DAB1: variants seen among roughly 807,000 people sequenced by gnomAD.
DAB1 encodes disabled homolog 1.
Under a neutral mutation model 64.6 loss-of-function variants are expected in DAB1, and 15 were observed. The observed-to-expected ratio is 0.23, with a 90% CI of 0.16 to 0.36. The LOEUF (loss-of-function observed/expected upper bound fraction) is 0.36, where lower values mean the gene tolerates loss of function less well. DAB1 is among the 10% of genes least tolerant of loss of function. The probability of loss-of-function intolerance (pLI) is 1.00; values close to 1 mark genes in which losing one functional copy is unlikely to be tolerated. For missense variants in DAB1, 596 were observed against 706.7 expected, an observed-to-expected ratio of 0.84 and a Z score of 1.78; for synonymous variants, 235 against 251.9, an observed-to-expected ratio of 0.93 and a Z score of 0.64.
intron 4 of DAB1, among the ~76,000 whole-genome samples, chr1:57,134,325 C>T (rs1418380318): frequency 4.6e-5 from 7 of 152,200 alleles, no homozygotes; most frequent in Admixed American, 2.6e-4. Context: ...TGGCTCATGC[C>T]TGTAATCCCA....
chr1:57,458,968 G>A (rs1472418955), intron 7 of DAB1, among the ~76,000 whole-genome samples: 1 of 151,992 alleles, frequency 6.6e-6, no homozygotes, highest in East Asian at 1.9e-4. Flanking sequence ...TAAATAATGA[G>A]TATTACTTTT....
At chr1:57,917,233 C>A (rs1341426456) in intron 5 of DAB1, among the ~76,000 whole-genome samples, 1 of 152,136 alleles carries the variant, frequency 6.6e-6, no homozygotes, top group Non-Finnish European at 1.5e-5. Context: ...GATATAAGGG[C>A]CTAGGGCATT....
At chr1:57,487,421 T>A (rs1169349570) in intron 7 of DAB1, among the ~76,000 whole-genome samples, 3 of 152,190 alleles carry the variant, frequency 2.0e-5, no homozygotes, top group Non-Finnish European at 1.5e-5. Context: ...CCACTGTAGA[T>A]CCTTCACCAC....
intron 5 of DAB1, among the ~76,000 whole-genome samples, chr1:58,116,460 T>A (rs1447024827): frequency 6.6e-6 from 1 of 152,222 alleles, no homozygotes; most frequent in Non-Finnish European, 1.5e-5. Flanking sequence ...TGCTAGCAAA[T>A]CCATCCATAT....
At chr1:58,445,394 C>A (rs1224339979) in intron 3 of DAB1, among the ~76,000 whole-genome samples, 2 of 152,200 alleles carry the variant, frequency 1.3e-5, no homozygotes, top group Non-Finnish European at 2.9e-5. Context: ...CCTGAGTACA[C>A]AAGCCCACTG....
At chr1:58,189,680 C>G (rs1657280664) in intron 4 of DAB1, among the ~76,000 whole-genome samples, 1 of 152,218 alleles carries the variant, frequency 6.6e-6, no homozygotes, top group Non-Finnish European at 1.5e-5. Context: ...GCCCTTATCT[C>G]TTGTCCTTAC....
At chr1:57,279,355 T>C (rs1671714217) in intron 2 of DAB1, among the ~76,000 whole-genome samples, 1 of 152,254 alleles carries the variant, frequency 6.6e-6, no homozygotes, top group South Asian at 2.1e-4. Context: ...ATAGCTATTA[T>C]ACTTGCATTT....
At chr1:57,377,909 G>T (rs547335439) in intron 1 of DAB1, among the ~76,000 whole-genome samples, 67 of 152,292 alleles carry the variant, frequency 4.4e-4, no homozygotes, top group African/African-American at 1.5e-3. Flanking sequence ...ATAGAGGCTG[G>T]GTGGAAAGGG....
At chr1:58,297,957 G>A (rs1303339614) in intron 4 of DAB1, among the ~76,000 whole-genome samples, 4 of 152,064 alleles carry the variant, frequency 2.6e-5, no homozygotes, top group Non-Finnish European at 5.9e-5. Context: ...CCATCACTTG[G>A]GGCAGTTTCC....
chr1:57,071,294 T>C, intron 6 of DAB1: 1 of 668,644 alleles, frequency 1.5e-6, no homozygotes, highest in Non-Finnish European at 2.5e-6. Context: ...CCTCCACCCC[T>C]GAAATCTTTC....
chr1:57,673,111 T>C (rs769222213), intron 6 of DAB1, among the ~76,000 whole-genome samples: 11 of 152,142 alleles, frequency 7.2e-5, no homozygotes, highest in Non-Finnish European at 1.6e-4. Context: ...ATCAAGGTGC[T>C]GGCAAATTAG....
intron 3 of DAB1, among the ~76,000 whole-genome samples, chr1:58,359,814 G>A (rs990140358): frequency 1.3e-5 from 2 of 152,022 alleles, no homozygotes; most frequent in African/African-American, 4.8e-5. Context: ...AGATGATGAT[G>A]GAGAGGACTA....
intron 2 of DAB1, among the ~76,000 whole-genome samples, chr1:57,184,132 A>T (rs1222515603): frequency 6.6e-6 from 1 of 152,152 alleles, no homozygotes; most frequent in Non-Finnish European, 1.5e-5. Flanking sequence ...GAGTCACAGA[A>T]ATCCTGCTGC....
intron 3 of DAB1, among the ~76,000 whole-genome samples, chr1:58,478,191 G>C (rs992953048): frequency 6.6e-6 from 1 of 151,994 alleles, no homozygotes; most frequent in African/African-American, 2.4e-5. Context: ...GGTTTTATGG[G>C]GCAGTTTTCC....
chr1:57,550,012 T>C (rs1015565260), intron 7 of DAB1, among the ~76,000 whole-genome samples: 9 of 152,118 alleles, frequency 5.9e-5, no homozygotes, highest in Non-Finnish European at 1.3e-4. Flanking sequence ...ATGAGTTGTG[T>C]CCTCAATGAA....
At chr1:58,111,725 C>T (rs1651974972) in intron 5 of DAB1, among the ~76,000 whole-genome samples, 1 of 152,124 alleles carries the variant, frequency 6.6e-6, no homozygotes, top group Non-Finnish European at 1.5e-5. Flanking sequence ...GATCTATCCA[C>T]TTGTCTCCAC....
chr1:58,356,414 A>G (rs1644112078), intron 3 of DAB1, among the ~76,000 whole-genome samples: 1 of 152,188 alleles, frequency 6.6e-6, no homozygotes, highest in Non-Finnish European at 1.5e-5. Context: ...CATAATAACA[A>G]ACAAACAATA....
chr1:58,117,724 AT>A (rs1382900448), intron 5 of DAB1, among the ~76,000 whole-genome samples: 12 of 152,258 alleles, frequency 7.9e-5, no homozygotes, highest in African/African-American at 2.9e-4. Flanking sequence ...AAAAATTAAG[AT>A]TAGAAACGGG....
chr1:57,284,087 G>A (rs1316954562), intron 2 of DAB1, among the ~76,000 whole-genome samples: 4 of 152,154 alleles, frequency 2.6e-5, no homozygotes, highest in African/African-American at 9.7e-5. Flanking sequence ...GAGTTTTAAT[G>A]AGAATCATCC....
Sources: allele counts gnomAD v4.1 joint callset (sites outside exome capture counted in the v4.1 genomes callset), GRCh38; gene constraint gnomAD v4.1.1; transcripts MANE v1.5; gene names NCBI Gene and HGNC (gene_info 2026-07-23, HGNC 2026-07-21).